The following CTNND1 variants were observed in gnomAD, a reference collection of about 807,000 sequenced individuals.
CTNND1 encodes catenin delta-1.
In CTNND1, 16 loss-of-function variants were observed where a neutral mutation model predicts 112.1. The observed-to-expected ratio is 0.14, with a 90% CI of 0.10 to 0.22. The LOEUF (loss-of-function observed/expected upper bound fraction) is 0.22. Ranked by LOEUF, CTNND1 falls within the 10% of genes least tolerant of loss-of-function variation. The pLI is 1.00. For missense variants in CTNND1, 1,008 were observed against 1,257.0 expected, an observed-to-expected ratio of 0.80 and a Z score of 3.00; for synonymous variants, 420 against 446.5, an observed-to-expected ratio of 0.94 and a Z score of 0.75.
In CTNND1 at chr11:57,806,087, G is replaced by A; in HGVS notation, c.1876+52G>A. On this transcript the variant is annotated intron_variant, in intron 10 of 20. Transcript: ENST00000399050. The stretch of plus-strand genomic sequence containing the variant: ...CTTTAATGTGGGATAGGGAAAGGAA[G>A]GAACACTTTAGCTTAAGGTACAAAA... 4 of 1,561,800 alleles carry A rather than the reference G, an allele frequency of 2.6e-6. No individual in the cohort carries two copies. In the East Asian group the frequency reaches 9.2e-5, roughly 36 times the overall value.
intron 1 of CTNND1, among the ~76,000 whole-genome samples, chr11:57,769,082 G>A (rs1316613686): frequency 3.3e-5 from 5 of 151,584 alleles, no homozygotes; most frequent in South Asian, 2.1e-4. Flanking sequence ...TGAGGCAGGC[G>A]CATCACTTGA....
chr11:57,799,605 C>T (rs748360879), intron 6 of CTNND1, among the ~76,000 whole-genome samples: 22 of 152,196 alleles, frequency 1.4e-4, no homozygotes, highest in Non-Finnish European at 2.8e-4. Context: ...TAAGTAGCCT[C>T]AAGCAAGTCA....
chr11:57,773,648 T>A (rs580223), intron 1 of CTNND1, among the ~76,000 whole-genome samples: 40,169 of 150,404 alleles, frequency 0.27, 6,561 homozygotes, highest in East Asian at 0.79. Flanking sequence ...AATTAAAAAA[T>A]TTTTTTGGCT....
intron 1 of CTNND1, among the ~76,000 whole-genome samples, chr11:57,783,428 G>C (rs540360982): frequency 2.6e-5 from 4 of 152,174 alleles, no homozygotes; most frequent in Non-Finnish European, 1.5e-5. Flanking sequence ...GGAAGGCCGC[G>C]GCGGGTGGAT....
chr11:57,790,552 G>GT lies in CTNND1; in HGVS notation c.-94-810dup, dbSNP rs150149378. Among the ~76,000 whole-genome samples, 214 of 60,700 alleles carry GT rather than the reference G, an allele frequency of 3.5e-3. 16 individuals carry two copies. The highest frequency in any genetic ancestry group is 0.015 in the African/African-American group (204 of 13,776). The allele number at this position is 60,700 out of a possible 152,430, so 39.8% of individuals were successfully genotyped here. A position where few individuals can be genotyped will look rare whatever the true frequency, so the allele number is the denominator to read the frequency against. On this transcript the variant is annotated intron_variant, in intron 2 of 20. Transcript: ENST00000399050. Reference sequence around the variant, plus strand: ...CCCGGCTAATTTTGTCTGTGTGTGTGTTTTTTTTTTTTTTTTTTTTTTTGA... The same window carrying GT: ...CCCGGCTAATTTTGTCTGTGTGTGTGTTTTTTTTTTTTTTTTTTTTTTTTGA...
At chr11:57,778,254 A>G (rs1214234611) in intron 1 of CTNND1, among the ~76,000 whole-genome samples, 1 of 151,852 alleles carries the variant, frequency 6.6e-6, no homozygotes, top group African/African-American at 2.4e-5. Flanking sequence ...AATCAACTCT[A>G]TGCTTGTAGG....
At chr11:57,811,801 T>A (rs75722511) in intron 17 of CTNND1, among the ~76,000 whole-genome samples, 1 of 102,772 alleles carries the variant, frequency 9.7e-6, no homozygotes, top group Non-Finnish European at 2.2e-5. Flanking sequence ...ATTGTAATAG[T>A]TACTATTTTA....
chr11:57,763,338 G>A (rs979504567), intron 1 of CTNND1, among the ~76,000 whole-genome samples: 17 of 152,270 alleles, frequency 1.1e-4, no homozygotes, highest in East Asian at 3.9e-4. Context: ...ATGGGCTTTA[G>A]TGTGTAAGCT....
intron 14 of CTNND1, 91 bp from the exon 15 acceptor site, chr11:57,809,183 C>A: frequency 1.1e-6 from 1 of 912,946 alleles, no homozygotes; most frequent in Non-Finnish European, 1.7e-6. Flanking sequence ...ACAGCACCTA[C>A]ACTTGATATG....
chr11:57,791,645 C>A lies in CTNND1; in HGVS notation c.167C>A (p.Ala56Asp). 2 of 1,586,636 alleles carry A rather than the reference C, an allele frequency of 1.3e-6. No homozygotes were observed. The highest frequency in any genetic ancestry group is 1.7e-6 in the Non-Finnish European group (2 of 1,163,360). The change falls in exon 3 of 21, where the codon GCC (alanine) becomes GAC (aspartate). Residue 56 changes from alanine to aspartate, a missense_variant. Ala to Asp is a moderately radical substitution (Grantham distance 126). Around this residue, in one of 5 missense-constraint regions of CTNND1, gnomAD observed 404 missense variants for 457.9 expected, o/e 0.88. Transcript: ENST00000399050. The stretch of plus-strand genomic sequence containing the variant: ...CCACAAGATGCCAACCCACTCATGG[C>A]CAACGGCACACTCACCCGCCGGCAT... Reference protein sequence around the residue: ...VSPQDANPLMANGTLTRRHQN... With the variant: ...VSPQDANPLMDNGTLTRRHQN...
chr11:57,782,865 G>A lies in CTNND1; in HGVS notation c.-213-6172G>A, dbSNP rs529163195. 7.2e-5 allele frequency among the ~76,000 whole-genome samples: 11 copies of A among 152,362 alleles called. 1 individual carries two copies. The East Asian group carries it at 2.1e-3, about 29-fold the overall frequency. On this transcript the variant is annotated intron_variant, in intron 1 of 20. Transcript: ENST00000399050. ...GGTTTTGTGACTTGAGTAGTGCTCAGTTGAGATTGTGAAGTGAGCACAGTC... is the reference window on the plus strand; with the variant it reads ...GGTTTTGTGACTTGAGTAGTGCTCAATTGAGATTGTGAAGTGAGCACAGTC...
intron 1 of CTNND1, among the ~76,000 whole-genome samples, chr11:57,780,941 C>A (rs1400354833): frequency 6.6e-6 from 1 of 152,092 alleles, no homozygotes; most frequent in Admixed American, 6.6e-5. Flanking sequence ...TATTTTCTTT[C>A]TTTCTTTCTT....
At chr11:57,765,396 CA>C (rs1326951021) in intron 1 of CTNND1, among the ~76,000 whole-genome samples, 2 of 151,402 alleles carry the variant, frequency 1.3e-5, no homozygotes, top group Non-Finnish European at 2.9e-5. Context: ...AATCAAATTG[CA>C]ATGTACTTTT....
intron 1 of CTNND1, among the ~76,000 whole-genome samples, chr11:57,768,456 C>T (rs12289997): frequency 3.1e-5 from 4 of 130,850 alleles, no homozygotes; most frequent in Non-Finnish European, 6.2e-5. Context: ...TGCAGTGGCG[C>T]GATCTCGGCT....
chr11:57,795,787 G>A lies in CTNND1; in HGVS notation c.420+58G>A, dbSNP rs2061295565. ...ATAAGAGGTCTTTTCTTCTCTATTAGGGGAGGGGTTAAGCACTTAATTAAG... is the reference window on the plus strand; with the variant it reads ...ATAAGAGGTCTTTTCTTCTCTATTAAGGGAGGGGTTAAGCACTTAATTAAG... On this transcript the variant is annotated intron_variant, in intron 5 of 20. Transcript: ENST00000399050. 8 of 1,477,728 alleles carry A rather than the reference G, an allele frequency of 5.4e-6. No individual in the cohort carries two copies. In the South Asian group the frequency reaches 1.1e-4, roughly 21 times the overall value. The allele number at this position is 1,477,728 out of a possible 1,614,324, so 91.5% of individuals were successfully genotyped here.
rs745341145 is a variant in CTNND1, at chr11:57,791,546, T to G, written c.68T>G (p.Phe23Cys). 6.2e-7 allele frequency: 1 copy of G among 1,609,806 alleles called. No homozygotes were observed. Among genetic ancestry groups the G allele is most frequent in the South Asian group, 1.1e-5 (1 of 90,262 alleles). The change falls in exon 3 of 21, where the codon TTT (phenylalanine) becomes TGT (cysteine). Residue 23 changes from phenylalanine (F) to cysteine (C), a missense_variant. By Grantham distance (205) the Phe-to-Cys change is radical. Transcript: ENST00000399050. ...LASVKEQEAQ[F>C]EKLTRALEEE... ...TCTGTGAAGGAACAAGAGGCCCAGT[T>G]TGAGAAGCTGACCCGGGCGCTGGAG...
intron 1 of CTNND1, among the ~76,000 whole-genome samples, chr11:57,782,498 A>T (rs1447643111): frequency 1.3e-5 from 2 of 152,194 alleles, no homozygotes; most frequent in Non-Finnish European, 2.9e-5. Context: ...AGATTTATGG[A>T]CAGAAAAAGG....
At chr11:57,814,244 A>G (rs1357838362) in intron 17 of CTNND1, 67 bp from the exon 18 acceptor site, 3 of 1,196,954 alleles carry the variant, frequency 2.5e-6, no homozygotes, top group Non-Finnish European at 3.7e-6. Flanking sequence ...CCAGAGAGCA[A>G]TTTTCATGAT....
chr11:57,806,597 G>A, intron 11 of CTNND1, 119 bp downstream of exon 11: 1 of 905,828 alleles, frequency 1.1e-6, no homozygotes, highest in South Asian at 1.5e-5. Flanking sequence ...GTTCAGTTGA[G>A]GAAGACACTG....
Sources: allele counts gnomAD v4.1 joint callset (sites outside exome capture counted in the v4.1 genomes callset), GRCh38; gene constraint gnomAD v4.1.1; regional missense constraint gnomAD v4.1.1; transcripts MANE v1.5; gene names NCBI Gene and HGNC (gene_info 2026-07-23, HGNC 2026-07-21).